The following IQGAP2 variants were observed in gnomAD, a reference collection of about 807,000 sequenced individuals.
IQGAP2 encodes ras GTPase-activating-like protein IQGAP2.
In IQGAP2, 173 loss-of-function variants were observed where a neutral mutation model predicts 201.3. The observed-to-expected ratio is 0.86, with a 90% confidence interval of 0.76 to 0.98. The LOEUF is 0.98. Ranked by LOEUF, IQGAP2 falls within the 50% of genes least tolerant of loss-of-function variation. The pLI is 0.00. For synonymous variants in IQGAP2, 675 were observed against 673.9 expected (o/e 1.00, Z -0.03); for missense variants, 1,687 against 1,864.8 (o/e 0.90, Z 1.76).
intron 1 of IQGAP2, among the ~76,000 whole-genome samples, chr5:76,421,232 C>A (rs1018848974): frequency 6.6e-6 from 1 of 152,072 alleles, no homozygotes; most frequent in African/African-American, 2.4e-5. Flanking sequence ...GAATGCCAGC[C>A]TTTAGGCTCC....
intron 13 of IQGAP2, among the ~76,000 whole-genome samples, chr5:76,623,837 T>C (rs2069643): frequency 0.35 from 53,269 of 151,956 alleles, 9,500 homozygotes; most frequent in Non-Finnish European, 0.38. Flanking sequence ...TTTCCATCAA[T>C]GTAATATTGA....
Position 76,415,806 on chromosome 5 carries a change from A to G in IQGAP2, c.46+12215A>G, listed in dbSNP as rs145604497. ...AAAATACAAAAAATATTAGCTGGGT[A>G]TGGTGGCATGTGCCTGTAATCCCAG... is the stretch of plus-strand genomic sequence containing the variant. On this transcript the variant is annotated intron_variant, in intron 1 of 35. Coordinates refer to ENST00000274364, the MANE Select transcript of IQGAP2 (RefSeq NM_006633.5). 5.2e-3 allele frequency among the ~76,000 whole-genome samples: 791 copies of G among 152,212 alleles called. 13 individuals are homozygous for G. Among genetic ancestry groups the G allele is most frequent in the African/African-American group, 0.018 (762 of 41,532 alleles).
At chr5:76,612,621 G>A (rs763313399) in intron 13 of IQGAP2, among the ~76,000 whole-genome samples, 3 of 152,104 alleles carry the variant, frequency 2.0e-5, no homozygotes, top group Non-Finnish European at 4.4e-5. Context: ...AGGCAGATGG[G>A]AAAAGATGTT....
At chr5:76,635,482 G>T (rs1253296181) in intron 15 of IQGAP2, among the ~76,000 whole-genome samples, 1 of 152,100 alleles carries the variant, frequency 6.6e-6, no homozygotes, top group Non-Finnish European at 1.5e-5. Flanking sequence ...CACTGAGACA[G>T]TTGCCTTAAG....
At chr5:76,509,266 A>C (rs954684606) in intron 2 of IQGAP2, among the ~76,000 whole-genome samples, 2 of 152,192 alleles carry the variant, frequency 1.3e-5, no homozygotes, top group African/African-American at 4.8e-5. Flanking sequence ...AATGATGTGT[A>C]GAAAGACTGA....
intron 11 of IQGAP2, among the ~76,000 whole-genome samples, chr5:76,602,135 C>T (rs377116146): frequency 6.6e-4 from 101 of 152,322 alleles, no homozygotes; most frequent in Middle Eastern, 3.4e-3. Context: ...CAAGATGTTT[C>T]CATTTCCCTG....
At chr5:76,545,976 G>A (rs895228433) in intron 2 of IQGAP2, among the ~76,000 whole-genome samples, 5 of 152,118 alleles carry the variant, frequency 3.3e-5, no homozygotes, top group South Asian at 2.1e-4. Flanking sequence ...GGTTACATGC[G>A]TATCATTGGT....
At position 76,683,331 on chromosome 5, in the gene IQGAP2, C is replaced by T. The variant is rs957300779; in HGVS notation, c.3763+114C>T. 3.3e-5 allele frequency: 21 copies of T among 627,568 alleles called. No individual in the cohort carries two copies. In the African/African-American group the frequency reaches 4.0e-4, roughly 12 times the overall value. 38.9% of individuals were successfully genotyped at this position (627,568 alleles called of 1,614,324 possible). A position where few individuals can be genotyped will look rare whatever the true frequency, so the allele number is the denominator to read the frequency against. On this transcript the variant is annotated intron_variant, in intron 29 of 35. Transcript: ENST00000274364. ...AAAACAATTATTTTGGAATTTAATG[C>T]TTAAGCATATTTAAAGAATAACAAC...
At chr5:76,702,851 G>T (rs1162852325) in intron 35 of IQGAP2, among the ~76,000 whole-genome samples, 3 of 152,160 alleles carry the variant, frequency 2.0e-5, no homozygotes, top group East Asian at 3.9e-4. Flanking sequence ...TTAGACAAAA[G>T]AATATAATTT....
At chr5:76,645,141 T>C (rs1751931178) in intron 17 of IQGAP2, among the ~76,000 whole-genome samples, 1 of 152,130 alleles carries the variant, frequency 6.6e-6, no homozygotes. Flanking sequence ...AGAATGATGG[T>C]TTCCAGCTTC....
intron 23 of IQGAP2, 42 bp from the exon 24 acceptor site, chr5:76,671,717 C>A: frequency 2.3e-6 from 3 of 1,331,614 alleles, no homozygotes; most frequent in Admixed American, 2.0e-5. Flanking sequence ...AAATCTGTAT[C>A]CATGGAAGCA....
chr5:76,555,405 A>G (rs1203906879), intron 2 of IQGAP2, among the ~76,000 whole-genome samples: 2 of 152,226 alleles, frequency 1.3e-5, no homozygotes, highest in African/African-American at 4.8e-5. Context: ...CTGAATACTC[A>G]GAGTATTAAG....
rs1268810018 is a variant in IQGAP2 at position 76,673,647 on chromosome 5, T to C, written c.3209+58T>C. 6.4e-6 allele frequency: 10 copies of C among 1,566,752 alleles called. No homozygotes were observed. In the African/African-American group the frequency reaches 8.2e-5, roughly 13 times the overall value. On this transcript the variant is annotated intron_variant, in intron 25 of 35. Transcript: ENST00000274364. Reference sequence around the variant, plus strand: ...TTCCTGGAACGTTCTTGGAATACGATGTAAAATAAGCCCCTGTAGTGAAGA... The same window carrying C: ...TTCCTGGAACGTTCTTGGAATACGACGTAAAATAAGCCCCTGTAGTGAAGA...
chr5:76,642,095 G>C (rs1414999012), intron 17 of IQGAP2, among the ~76,000 whole-genome samples: 1 of 151,930 alleles, frequency 6.6e-6, no homozygotes, highest in East Asian at 1.9e-4. Context: ...TTCTAGGTGG[G>C]CCAATGAGTT....
At chr5:76,583,851 T>A (rs1032691274) in intron 5 of IQGAP2, among the ~76,000 whole-genome samples, 1 of 151,542 alleles carries the variant, frequency 6.6e-6, no homozygotes, top group African/African-American at 2.4e-5. Flanking sequence ...GTACCTTAAT[T>A]TAGGGATAGC....
At chr5:76,422,889 A>G in intron 1 of IQGAP2, among the ~76,000 whole-genome samples, 1 of 152,220 alleles carries the variant, frequency 6.6e-6, no homozygotes, top group South Asian at 2.1e-4. Context: ...AATCCTTGTA[A>G]CTAAACTCTG....
chr5:76,638,989 G>A (rs142036524), intron 16 of IQGAP2, among the ~76,000 whole-genome samples: 1 of 152,258 alleles, frequency 6.6e-6, no homozygotes, highest in East Asian at 1.9e-4. Flanking sequence ...ACAAGTTATG[G>A]CCAAAAGTAA....
At chr5:76,654,429 CTGTTTT>C (rs1752749599) in intron 19 of IQGAP2, among the ~76,000 whole-genome samples, 158 bp downstream of exon 19, 4 of 152,166 alleles carry the variant, frequency 2.6e-5, no homozygotes, top group African/African-American at 7.2e-5. Flanking sequence ...TGGAGGCTTA[CTGTTTT>C]CATTCAGAAA....
At position 76,498,012 on chromosome 5, in the gene IQGAP2, A is replaced by G. The variant is rs6453225; in HGVS notation, c.146+36343A>G. ...ATATCCTAAGTTTCTGGCTCACTGA[A>G]AAAACTTAGCAAGGCATTGTTAAGT... is the stretch of plus-strand genomic sequence containing the variant. On this transcript the variant is annotated intron_variant, in intron 2 of 35. Transcript: ENST00000274364. 9.9e-5 allele frequency among the ~76,000 whole-genome samples: 15 copies of G among 152,194 alleles called. No individual in the cohort carries two copies. The South Asian group carries it at 3.1e-3, about 32-fold the overall frequency.
Sources: gnomAD v4.1 joint callset for allele counts (sites outside exome capture counted in the v4.1 genomes callset) on GRCh38, gnomAD v4.1.1 for gene constraint, MANE v1.5 for transcripts, NCBI Gene and HGNC (gene_info 2026-07-23, HGNC 2026-07-21) for gene names.